DSCAM: variants seen among roughly 807,000 people sequenced by gnomAD.
DSCAM encodes DS cell adhesion molecule, also known as cell adhesion molecule DSCAM.
In DSCAM, 47 loss-of-function variants were observed where a neutral mutation model predicts 217.7. That is an observed-to-expected ratio of 0.22 (90% CI 0.17 to 0.28). The LOEUF is 0.28. Among genes scored for constraint, DSCAM ranks in the 10% least tolerant of loss-of-function variants. The probability of loss-of-function intolerance (pLI) is 1.00; values close to 1 mark genes in which losing one functional copy is unlikely to be tolerated. For missense variants in DSCAM, 2,080 were observed against 2,618.3 expected (o/e 0.79, Z 4.49); for synonymous variants, 1,056 against 1,015.3 (o/e 1.04, Z -0.76).
rs1181070512 is a variant in DSCAM, at chr21:40,093,855, G to T, written c.3716C>A (p.Ala1239Asp). Residue 1239 changes from alanine to aspartate, a missense_variant, in exon 21 of 33, where the codon GCC (alanine) becomes GAC (aspartate). Coordinates refer to ENST00000400454, the MANE Select transcript of DSCAM (RefSeq NM_001389.5). ...PYPTVISEFE[A>D]SPDSFSYRIP... ...TCTGTAGGAAAACGAGTCGGGAGAG[G>T]CCTCAAACTCGCTGATCACCTGTAA... is the stretch of plus-strand genomic sequence containing the variant. The T allele has an allele frequency of 1.9e-6, 3 of 1,613,654 alleles. No homozygotes were observed. Among genetic ancestry groups the T allele is most frequent in the Non-Finnish European group, 2.5e-6 (3 of 1,179,902 alleles).
chr21:40,228,661 G>C (rs879517115), intron 11 of DSCAM, among the ~76,000 whole-genome samples: 2 of 111,088 alleles, frequency 1.8e-5, no homozygotes, highest in East Asian at 4.9e-4. Flanking sequence ...TTTTTTTCTT[G>C]GTACTTCTTT....
intron 4 of DSCAM, among the ~76,000 whole-genome samples, chr21:40,359,140 A>T (rs1330789656): frequency 6.6e-6 from 1 of 152,218 alleles, no homozygotes; most frequent in Non-Finnish European, 1.5e-5. Flanking sequence ...TGGTGAAGAT[A>T]TGGGGACCTG....
At chr21:40,633,186 G>T (rs997841786) in intron 3 of DSCAM, among the ~76,000 whole-genome samples, 35 of 152,110 alleles carry the variant, frequency 2.3e-4, no homozygotes, top group African/African-American at 7.5e-4. Context: ...TACTTTCATC[G>T]ATTCCAACCA....
intron 3 of DSCAM, among the ~76,000 whole-genome samples, chr21:40,660,972 T>C (rs866442485): frequency 1.3e-5 from 2 of 152,194 alleles, no homozygotes; most frequent in South Asian, 4.1e-4. Flanking sequence ...CAGGCTAATT[T>C]CTTAACTCAG....
intron 3 of DSCAM, among the ~76,000 whole-genome samples, chr21:40,473,693 T>G (rs965587908): frequency 6.6e-6 from 1 of 152,178 alleles, no homozygotes; most frequent in Non-Finnish European, 1.5e-5. Context: ...GATAAGGTAT[T>G]TGGACATAGG....
chr21:40,636,983 T>C (rs969818015), intron 3 of DSCAM, among the ~76,000 whole-genome samples: 1 of 149,228 alleles, frequency 6.7e-6, no homozygotes. Context: ...TACAGTTCCC[T>C]GTATAGACCA....
At chr21:40,608,338 A>C (rs988436255) in intron 3 of DSCAM, among the ~76,000 whole-genome samples, 1 of 152,226 alleles carries the variant, frequency 6.6e-6, no homozygotes, top group African/African-American at 2.4e-5. Context: ...ATATCCTGTG[A>C]TTATATGCAA....
intron 1 of DSCAM, among the ~76,000 whole-genome samples, chr21:40,721,112 A>G (rs2090896729): frequency 6.6e-6 from 1 of 152,236 alleles, no homozygotes; most frequent in Admixed American, 6.5e-5. Context: ...TGTATCACAC[A>G]GCTGCAGGGG....
At chr21:40,526,299 G>A (rs78677374) in intron 3 of DSCAM, among the ~76,000 whole-genome samples, 3,366 of 152,248 alleles carry the variant, frequency 0.022, 123 homozygotes, top group African/African-American at 0.076. Context: ...TTAGCAGAGA[G>A]GAGAAGGTGG....
intron 21 of DSCAM, among the ~76,000 whole-genome samples, chr21:40,087,627 A>G (rs2089550040): frequency 6.6e-6 from 1 of 152,258 alleles, no homozygotes; most frequent in South Asian, 2.1e-4. Flanking sequence ...ATTTACCTCA[A>G]CACAAAAACT....
In DSCAM at chr21:40,078,675, C is replaced by T. The variant is rs1370444170; in HGVS notation, c.4711+12G>A. 2.5e-6 allele frequency: 4 copies of T among 1,607,476 alleles called. No individual in the cohort carries two copies. Among genetic ancestry groups the T allele is most frequent in the Non-Finnish European group, 3.4e-6 (4 of 1,175,562 alleles). ...GACACAAGCAGGAGAGCCACAAAGC[C>T]AGCCAGCTTACTGCCATCGTAGTTC... On this transcript the variant is annotated intron_variant, in intron 26 of 32. Coordinates refer to ENST00000400454, the MANE Select transcript of DSCAM (RefSeq NM_001389.5).
intron 26 of DSCAM, among the ~76,000 whole-genome samples, chr21:40,078,348 G>C (rs1759484655): frequency 6.6e-6 from 1 of 152,130 alleles, no homozygotes; most frequent in South Asian, 2.1e-4. Context: ...AAAGGGGTGG[G>C]AGACAACAAA....
At chr21:40,155,655 A>G (rs2090467997) in intron 16 of DSCAM, among the ~76,000 whole-genome samples, 1 of 152,132 alleles carries the variant, frequency 6.6e-6, no homozygotes, top group African/African-American at 2.4e-5. Flanking sequence ...ATGGGAGAAG[A>G]CAGTGTCTGA....
intron 3 of DSCAM, among the ~76,000 whole-genome samples, chr21:40,449,195 G>A (rs564547245): frequency 1.3e-5 from 2 of 152,206 alleles, no homozygotes; most frequent in South Asian, 4.2e-4. Context: ...GGCCCACCTG[G>A]ATAATAGAGG....
At chr21:40,328,173 C>G (rs1249404979) in intron 8 of DSCAM, among the ~76,000 whole-genome samples, 2 of 151,880 alleles carry the variant, frequency 1.3e-5, no homozygotes, top group Non-Finnish European at 2.9e-5. Flanking sequence ...CAAAAAAGAG[C>G]CAGAATAGCC....
At chr21:40,218,921 T>G (rs536342695) in intron 11 of DSCAM, among the ~76,000 whole-genome samples, 2 of 152,242 alleles carry the variant, frequency 1.3e-5, no homozygotes, top group East Asian at 3.9e-4. Context: ...TATAGAATCA[T>G]GTCATCTGGT....
chr21:40,627,053 A>G (rs2089610484), intron 3 of DSCAM, among the ~76,000 whole-genome samples: 2 of 152,178 alleles, frequency 1.3e-5, no homozygotes, highest in Non-Finnish European at 2.9e-5. Context: ...TGCCCCCTCA[A>G]GTAACAGATT....
chr21:40,452,726 G>A (rs1443038929), intron 3 of DSCAM, among the ~76,000 whole-genome samples: 2 of 147,170 alleles, frequency 1.4e-5, no homozygotes, highest in African/African-American at 2.5e-5. Context: ...GGATTTAGTT[G>A]CTTTTTTTTT....
chr21:40,345,429 C>T (rs975280698), intron 6 of DSCAM, among the ~76,000 whole-genome samples: 9 of 152,104 alleles, frequency 5.9e-5, no homozygotes, highest in African/African-American at 2.2e-4. Context: ...TTGCTTTTCC[C>T]AAAGTTTCTT....
Sources: allele counts gnomAD v4.1 joint callset (sites outside exome capture counted in the v4.1 genomes callset), GRCh38; gene constraint gnomAD v4.1.1; transcripts MANE v1.5; gene names NCBI Gene and HGNC (gene_info 2026-07-23, HGNC 2026-07-21).